EPC1: variants seen among roughly 807,000 people sequenced by gnomAD.
The protein encoded by EPC1 is enhancer of polycomb homolog 1.
EPC1 carries 12 observed loss-of-function variants against 98.4 expected under a neutral mutation model. The observed-to-expected ratio is 0.12, with a 90% CI of 0.08 to 0.20. The LOEUF (loss-of-function observed/expected upper bound fraction) is 0.20. Among genes scored for constraint, EPC1 ranks in the 10% least tolerant of loss-of-function variants. The pLI, the probability that EPC1 is intolerant of heterozygous loss-of-function variation, is 1.00. For synonymous variants in EPC1, 357 were observed against 363.9 expected (o/e 0.98, Z 0.21); for missense variants, 729 against 990.5 (o/e 0.74, Z 3.54).
intron 1 of EPC1, among the ~76,000 whole-genome samples, chr10:32,317,023 A>G (rs556020669): frequency 6.6e-6 from 1 of 152,324 alleles, no homozygotes; most frequent in South Asian, 2.1e-4. Flanking sequence ...AATTGTTAAA[A>G]CTTTTACTGA....
intron 1 of EPC1, among the ~76,000 whole-genome samples, chr10:32,358,064 A>G (rs1027360695): frequency 1.3e-5 from 2 of 151,998 alleles, no homozygotes; most frequent in African/African-American, 4.8e-5. Flanking sequence ...CATGTTGGCC[A>G]GGCTAGTCTC....
chr10:32,297,947 G>A (rs920472131), intron 2 of EPC1, among the ~76,000 whole-genome samples: 2 of 152,110 alleles, frequency 1.3e-5, no homozygotes, highest in Admixed American at 6.5e-5. Flanking sequence ...ACAGGCGCCC[G>A]CCACCACACC....
chr10:32,378,029 A>T (rs1839904700), intron 1 of EPC1, among the ~76,000 whole-genome samples: 1 of 152,234 alleles, frequency 6.6e-6, no homozygotes. Flanking sequence ...CACCTTCATT[A>T]TACCAAGGGC....
At chr10:32,339,536 T>C (rs1391901437) in intron 1 of EPC1, among the ~76,000 whole-genome samples, 1 of 151,964 alleles carries the variant, frequency 6.6e-6, no homozygotes, top group Non-Finnish European at 1.5e-5. Flanking sequence ...CAGAGTGAAC[T>C]CTCTCTCAAT....
intron 2 of EPC1, among the ~76,000 whole-genome samples, chr10:32,302,633 G>C (rs1200310106): frequency 7.9e-6 from 1 of 126,758 alleles, no homozygotes; most frequent in Admixed American, 8.9e-5. Context: ...CTGGGCAACA[G>C]AGTGAGACTC....
At chr10:32,357,937 C>G (rs575776718) in intron 1 of EPC1, among the ~76,000 whole-genome samples, 134 of 150,842 alleles carry the variant, frequency 8.9e-4, no homozygotes, top group Non-Finnish European at 1.7e-3. Flanking sequence ...TCACTGCAAC[C>G]TCCACCTCCC....
intron 1 of EPC1, among the ~76,000 whole-genome samples, chr10:32,330,826 A>G (rs1012216841): frequency 2.0e-5 from 3 of 152,110 alleles, no homozygotes; most frequent in African/African-American, 7.2e-5. Flanking sequence ...ATTTTATGGG[A>G]AAAAAACCCC....
intron 2 of EPC1, 102 bp downstream of exon 2, chr10:32,305,670 A>G: frequency 2.2e-6 from 2 of 916,248 alleles, no homozygotes; most frequent in Middle Eastern, 3.1e-4. Flanking sequence ...ATGCTGGTCA[A>G]TGAAACAAAT....
chr10:32,293,352 G>A (rs1834960053), intron 3 of EPC1, among the ~76,000 whole-genome samples, 158 bp from the exon 4 acceptor site: 1 of 152,130 alleles, frequency 6.6e-6, no homozygotes, highest in Admixed American at 6.5e-5. Flanking sequence ...GAACTAGGGT[G>A]CTTTATATAC....
chr10:32,318,422 T>A (rs1169573844), intron 1 of EPC1, among the ~76,000 whole-genome samples: 1 of 152,216 alleles, frequency 6.6e-6, no homozygotes, highest in Non-Finnish European at 1.5e-5. Context: ...TCCTTAGCCC[T>A]TGTATATACG....
chr10:32,366,677 A>G lies in EPC1; in HGVS notation c.3+11814T>C, dbSNP rs181878776. ...TATCAATACATGTAAAGAGGTATATATAAAAAAGCAAAATGACAGAACAAA... is the reference window on the plus strand; with the variant it reads ...TATCAATACATGTAAAGAGGTATATGTAAAAAAGCAAAATGACAGAACAAA... On this transcript the variant is annotated intron_variant, in intron 1 of 13. Transcript: ENST00000375110. 2.4e-3 allele frequency among the ~76,000 whole-genome samples: 308 copies of G among 128,636 alleles called. 2 individuals carry two copies. Among genetic ancestry groups the G allele is most frequent in the African/African-American group, 8.2e-3 (292 of 35,800 alleles). The allele number at this position is 128,636 out of a possible 152,430, so 84.4% of individuals were successfully genotyped here. A position where few individuals can be genotyped will look rare whatever the true frequency, so the allele number is the denominator to read the frequency against.
At chr10:32,289,026 T>C (rs1592552308) in intron 6 of EPC1, among the ~76,000 whole-genome samples, 4 of 151,656 alleles carry the variant, frequency 2.6e-5, no homozygotes, top group Admixed American at 2.0e-4. Flanking sequence ...GAGGCGGAGG[T>C]TGCAGTGAGC....
chr10:32,299,454 G>A (rs1020825473), intron 2 of EPC1, among the ~76,000 whole-genome samples: 3 of 152,116 alleles, frequency 2.0e-5, no homozygotes, highest in Non-Finnish European at 4.4e-5. Context: ...CCAAAGTGCT[G>A]GGATTACAGG....
chr10:32,324,008 T>G (rs963412023), intron 1 of EPC1, among the ~76,000 whole-genome samples: 2 of 152,086 alleles, frequency 1.3e-5, no homozygotes, highest in African/African-American at 4.8e-5. Context: ...CGATCTCGGC[T>G]CACTGCAAGC....
chr10:32,287,311 C>A (rs1157897930), intron 6 of EPC1, 37 bp from the exon 7 acceptor site: 1 of 1,601,774 alleles, frequency 6.2e-7, no homozygotes, highest in South Asian at 1.1e-5. Context: ...ACACCAGAAA[C>A]CATGTTCAAC....
At position 32,334,882 on chromosome 10, in the gene EPC1, G is replaced by A. The variant is rs1033539461; in HGVS notation, c.153+11881C>T. 2.6e-5 allele frequency among the ~76,000 whole-genome samples: 4 copies of A among 152,284 alleles called. No individual in the cohort carries two copies. In the East Asian group the frequency reaches 5.8e-4, roughly 22 times the overall value. On this transcript the variant is annotated intron_variant, in intron 1 of 13. Coordinates refer to ENST00000319778, the MANE Select transcript of EPC1 (RefSeq NM_001272004.3). ...TTTCCAGAATGTCTCCATAGTGGGA[G>A]AATGATACAGCCCTTGTTGAGAACC...
intron 2 of EPC1, among the ~76,000 whole-genome samples, chr10:32,305,266 A>G (rs1835808650): frequency 6.6e-6 from 1 of 152,264 alleles, no homozygotes; most frequent in Admixed American, 6.5e-5. Flanking sequence ...TGTTTTTATC[A>G]GTAAAGTTTT....
At chr10:32,327,534 G>A (rs1837371923) in intron 1 of EPC1, among the ~76,000 whole-genome samples, 2 of 152,258 alleles carry the variant, frequency 1.3e-5, no homozygotes, top group Middle Eastern at 3.4e-3. Context: ...ATTACACAGT[G>A]TACACATGTA....
intron 1 of EPC1, among the ~76,000 whole-genome samples, chr10:32,319,737 C>T (rs140178465): frequency 0.013 from 1,991 of 152,166 alleles, 49 homozygotes; most frequent in African/African-American, 0.046. Flanking sequence ...AGTGCAGTGG[C>T]GCAATCTCGG....
Sources: gnomAD v4.1 joint callset for allele counts (sites outside exome capture counted in the v4.1 genomes callset) on GRCh38, gnomAD v4.1.1 for gene constraint, MANE v1.5 for transcripts, NCBI Gene and HGNC (gene_info 2026-07-23, HGNC 2026-07-21) for gene names.